The following CCDC166 variants were observed in gnomAD, a reference collection of about 807,000 sequenced individuals.
The protein encoded by CCDC166 is coiled-coil domain-containing protein 166.
Under a neutral mutation model 14.4 loss-of-function variants are expected in CCDC166, and 17 were observed. The observed-to-expected ratio is 1.18, with a 90% confidence interval of 0.81 to 1.77. The LOEUF (loss-of-function observed/expected upper bound fraction) is 1.77. CCDC166 is among the 40% of genes most tolerant of loss of function. CCDC166 has a pLI of 0.00. For missense variants in CCDC166, 738 were observed against 665.8 expected (o/e 1.11, Z -1.19); for synonymous variants, 336 against 330.1 (o/e 1.02, Z -0.20).
chr8:143,707,228 C>T lies in CCDC166; in HGVS notation c.786G>A (p.Thr262=). The T allele has an allele frequency of 7.0e-7, 1 of 1,426,042 alleles. No individual in the cohort carries two copies. The highest frequency in any genetic ancestry group is 1.4e-5 in the South Asian group (1 of 70,642). 88.3% of individuals were successfully genotyped at this position (1,426,042 alleles called of 1,614,324 possible). The change falls in exon 2 of 2, where the codon ACG becomes ACA. Residue 262 remains threonine, a synonymous_variant. Transcript: ENST00000542437. This position sits in a 1 kb window ranked among gnomAD's most constrained non-coding sequence, Gnocchi z 8.0. ...REQLHREHED[T]RDLARVHGWL... is the part of the protein sequence containing the mutation. The stretch of plus-strand genomic sequence containing the variant: ...AGCCGTGCACACGCGCCAGGTCCCG[C>T]GTGTCCTCGTGCTCGCGGTGCAGTT...
Position 143,707,907 on chromosome 8 carries a change from C to A in CCDC166, c.203G>T (p.Arg68Leu). Reference sequence around the variant, plus strand: ...GTAGAGCCGGTTCTCCTCGCGCAGGCGCAGCGCCTCGCGGTCCAGGAAGGC... The same window carrying A: ...GTAGAGCCGGTTCTCCTCGCGCAGGAGCAGCGCCTCGCGGTCCAGGAAGGC... ...ENAFLDREAL[R>L]LREENRLYAS... Residue 68 changes from arginine to leucine, a missense_variant, in exon 1 of 2, where the codon CGC becomes CTC. Transcript: ENST00000542437. This position sits in a 1 kb window ranked among gnomAD's most constrained non-coding sequence, Gnocchi z 8.0. The A allele has an allele frequency of 6.5e-7, 1 of 1,537,390 alleles. No homozygotes were observed. The highest frequency in any genetic ancestry group is 1.2e-5 in the South Asian group (1 of 84,038).
Position 143,707,925 on chromosome 8 carries a change from A to T in CCDC166, c.185T>A (p.Leu62Gln), listed in dbSNP as rs1178496654. The T allele has an allele frequency of 6.5e-7, 1 of 1,537,422 alleles. No individual in the cohort carries two copies. ...GCGCAGGCGCAGCGCCTCGCGGTCC[A>T]GGAAGGCGTTCTCTCGCAGCACCTG... ...VDQVLRENAF[L>Q]DREALRLREE... The change falls in exon 1 of 2, where the codon CTG (leucine) becomes CAG (glutamine). Residue 62 changes from leucine to glutamine, a missense_variant. Coordinates refer to ENST00000542437, the MANE Select transcript of CCDC166 (RefSeq NM_001162914.1). The surrounding 1 kb of genome is among the most constrained non-coding windows in gnomAD (Gnocchi z 8.0).
chr8:143,707,210 C>T lies in CCDC166; in HGVS notation c.804G>A (p.Val268=). Residue 268 remains valine (V), a synonymous_variant, in exon 2 of 2, where the codon GTG becomes GTA. Transcript: ENST00000542437. The surrounding 1 kb of genome is among the most constrained non-coding windows in gnomAD (Gnocchi z 8.0). ...EHEDTRDLAR[V]HGWLRRGPGG... The stretch of plus-strand genomic sequence containing the variant: ...CGGGGCCCCTGCGCAGCCAGCCGTG[C>T]ACACGCGCCAGGTCCCGCGTGTCCT... 1 of 1,386,730 alleles carries T rather than the reference C, an allele frequency of 7.2e-7. No homozygotes were observed. The highest frequency in any genetic ancestry group is 9.3e-7 in the Non-Finnish European group (1 of 1,078,470). The allele number at this position is 1,386,730 out of a possible 1,614,324, so 85.9% of individuals were successfully genotyped here.
chr8:143,707,576 C>G lies in CCDC166; in HGVS notation c.445-7G>C. 1.5e-6 allele frequency: 2 copies of G among 1,327,220 alleles called. No individual in the cohort carries two copies. Among genetic ancestry groups the G allele is most frequent in the Non-Finnish European group, 1.9e-6 (2 of 1,041,998 alleles). 82.2% of individuals were successfully genotyped at this position (1,327,220 alleles called of 1,614,324 possible). ...GCTGCTCCAGCTGCAGCACCTGCGG[C>G]GGGGGCGCCGTCAGCTCACCCCCAC... On this transcript the variant is annotated splice_region_variant and splice_polypyrimidine_tract_variant and intron_variant, in intron 1 of 1. Coordinates refer to ENST00000542437, the MANE Select transcript of CCDC166 (RefSeq NM_001162914.1). This position sits in a 1 kb window ranked among gnomAD's most constrained non-coding sequence, Gnocchi z 8.0.
At position 143,707,858 on chromosome 8, in the gene CCDC166, GGC is replaced by G. The variant is rs781837594; in HGVS notation, c.250_251del (p.Ala84ProfsTer345). ...GGACGATGGCTTTGGCGCAGCGCTG[GGC>G]GCGCGCGCTCACGTAGCTGGCGTAG... is the stretch of plus-strand genomic sequence containing the variant. The part of the protein sequence containing the change: ...RLYASYVSAR[A>X]QRCAKAIVRL... On this transcript the variant is annotated frameshift_variant, in exon 1 of 2. Coordinates refer to ENST00000542437, the MANE Select transcript of CCDC166 (RefSeq NM_001162914.1). LOFTEE classifies it high-confidence loss of function. This position sits in a 1 kb window ranked among gnomAD's most constrained non-coding sequence, Gnocchi z 8.0. 11 of 1,538,018 alleles carry G rather than the reference GGC, an allele frequency of 7.2e-6. No individual in the cohort carries two copies. Among genetic ancestry groups the G allele is most frequent in the Non-Finnish European group, 9.6e-6 (11 of 1,145,986 alleles).
chr8:143,708,067 G>T lies in CCDC166; in HGVS notation c.43C>A (p.Pro15Thr). The part of the protein sequence containing the change: ...KKRGPSAGSQ[P>T]GGAAAAGAEQ... ...GCACCCGCGGCCGCCGCACCACCTG[G>T]CTGGCTCCCTGCGCTCGGCCCGCGC... The change falls in exon 1 of 2, where the codon CCA becomes ACA. Residue 15 changes from proline (P) to threonine (T), a missense_variant. Physicochemically the swap from Pro to Thr is conservative, Grantham distance 38. Coordinates refer to ENST00000542437, the MANE Select transcript of CCDC166 (RefSeq NM_001162914.1). 6.8e-7 allele frequency: 1 copy of T among 1,467,540 alleles called. No homozygotes were observed. 90.9% of individuals were successfully genotyped at this position (1,467,540 alleles called of 1,614,324 possible).
In CCDC166 at chr8:143,707,955, A is replaced by G. The variant is rs1554616996; in HGVS notation, c.155T>C (p.Val52Ala). The change falls in exon 1 of 2, where the codon GTT (valine) becomes GCT (alanine). Residue 52 changes from valine to alanine, a missense_variant. Coordinates refer to ENST00000542437, the MANE Select transcript of CCDC166 (RefSeq NM_001162914.1). The surrounding 1 kb of genome is among the most constrained non-coding windows in gnomAD (Gnocchi z 8.0). Reference protein sequence around the residue: ...SEQLDTCEESVDQVLRENAFL... With the variant: ...SEQLDTCEESADQVLRENAFL... The stretch of plus-strand genomic sequence containing the variant: ...GGCGTTCTCTCGCAGCACCTGGTCA[A>G]CGCTCTCCTCGCAGGTGTCCAGCTG... 1 of 1,536,960 alleles carries G rather than the reference A, an allele frequency of 6.5e-7. No individual in the cohort carries two copies. Among genetic ancestry groups the G allele is most frequent in the African/African-American group, 1.4e-5 (1 of 72,992 alleles).
rs1477973698 is a variant in CCDC166 at position 143,707,050 on chromosome 8, C to A, written c.964G>T (p.Ala322Ser). 2 of 1,534,682 alleles carry A rather than the reference C, an allele frequency of 1.3e-6. No individual in the cohort carries two copies. The highest frequency in any genetic ancestry group is 1.2e-5 in the South Asian group (1 of 83,936). The stretch of plus-strand genomic sequence containing the variant: ...TCGCGCGACGGGACCACGGACGAGG[C>A]CCGGGGGGCCGCGCGCGACGGTACC... ...SVVPSRAAPR[A>S]SSVVPSREAS... The change falls in exon 2 of 2, where the codon GCC (alanine) becomes TCC (serine). Residue 322 changes from alanine to serine, a missense_variant. Coordinates refer to ENST00000542437, the MANE Select transcript of CCDC166 (RefSeq NM_001162914.1). The surrounding 1 kb of genome is among the most constrained non-coding windows in gnomAD (Gnocchi z 8.0).
In CCDC166 at chr8:143,707,812, C is replaced by A. The variant is rs1817568376; in HGVS notation, c.298G>T (p.Val100Leu). 1.3e-6 allele frequency: 2 copies of A among 1,540,208 alleles called. 1 individual carries two copies. Among genetic ancestry groups the A allele is most frequent in the South Asian group, 2.4e-5 (2 of 84,018 alleles). ...AIVRLDEQNR[V>L]DLAQIHWQRA... ...TGCCAGTGGATCTGCGCTAGGTCCACGCGGTTCTGCTCGTCCAGCCGGACG... is the reference window on the plus strand; with the variant it reads ...TGCCAGTGGATCTGCGCTAGGTCCAAGCGGTTCTGCTCGTCCAGCCGGACG... Residue 100 changes from valine (V) to leucine (L), a missense_variant, in exon 1 of 2, where the codon GTG becomes TTG. Coordinates refer to ENST00000542437, the MANE Select transcript of CCDC166 (RefSeq NM_001162914.1). This position sits in a 1 kb window ranked among gnomAD's most constrained non-coding sequence, Gnocchi z 8.0.
In CCDC166 at chr8:143,707,824, C is replaced by G. The variant is rs782021652; in HGVS notation, c.286G>C (p.Glu96Gln). 2 of 1,539,670 alleles carry G rather than the reference C, an allele frequency of 1.3e-6. No individual in the cohort carries two copies. The highest frequency in any genetic ancestry group is 2.0e-5 in the Admixed American group (1 of 50,954). The part of the protein sequence containing the change: ...RCAKAIVRLD[E>Q]QNRVDLAQIH... ...TGCGCTAGGTCCACGCGGTTCTGCT[C>G]GTCCAGCCGGACGATGGCTTTGGCG... The change falls in exon 1 of 2, where the codon GAG becomes CAG. Residue 96 changes from glutamate to glutamine, a missense_variant. By Grantham distance (29) the Glu-to-Gln change is conservative. Coordinates refer to ENST00000542437, the MANE Select transcript of CCDC166 (RefSeq NM_001162914.1). This position sits in a 1 kb window ranked among gnomAD's most constrained non-coding sequence, Gnocchi z 8.0.
At position 143,707,296 on chromosome 8, in the gene CCDC166, G is replaced by A. The variant is rs1554616771; in HGVS notation, c.718C>T (p.Leu240=). The change falls in exon 2 of 2, where the codon CTG becomes TTG. Residue 240 remains leucine, a synonymous_variant. Transcript: ENST00000542437. The surrounding 1 kb of genome is among the most constrained non-coding windows in gnomAD (Gnocchi z 8.0). ...AGCTGGCGCCGCGTGTGGTGCAGCAGCTGGGTCCGGCGGAGCAGCAGCAGC... is the reference window on the plus strand; with the variant it reads ...AGCTGGCGCCGCGTGTGGTGCAGCAACTGGGTCCGGCGGAGCAGCAGCAGC... The part of the protein sequence containing the change: ...ELLLLLRRTQ[L]LHHTRRQLLE... The A allele has an allele frequency of 7.0e-7, 1 of 1,436,766 alleles. No homozygotes were observed. Among genetic ancestry groups the A allele is most frequent in the South Asian group, 1.4e-5 (1 of 72,476 alleles). 89.0% of individuals were successfully genotyped at this position (1,436,766 alleles called of 1,614,324 possible).
rs1554616645 is a variant in CCDC166, at chr8:143,706,937, TG to T, written c.1076del (p.Pro359HisfsTer3). 1 of 1,547,864 alleles carries T rather than the reference TG, an allele frequency of 6.5e-7. No homozygotes were observed. Among genetic ancestry groups the T allele is most frequent in the African/African-American group, 1.4e-5 (1 of 72,918 alleles). On this transcript the variant is annotated frameshift_variant, in exon 2 of 2. Transcript: ENST00000542437. LOFTEE classifies it low-confidence loss of function (END_TRUNC). ...LATSKVGSRM[P>X]SLTASRAGSR... ...AGCCTGCGCGCGAAGCGGTCAGGGA[TG>T]GCATCCGGGATCCCACCTTTGAAGT...
rs1287192274 is a variant in CCDC166, at chr8:143,708,104, C to T, written c.6G>A (p.Ala2=). Residue 2 remains alanine, a synonymous_variant, in exon 1 of 2, where the codon GCG becomes GCA. Coordinates refer to ENST00000542437, the MANE Select transcript of CCDC166 (RefSeq NM_001162914.1). ...CGCTCGGCCCGCGCTTTTTCTTGGG[C>T]GCCATGGGTTGGTGCCTGGACCACC... M[A]PKKKRGPSAG... 6.4e-5 allele frequency: 92 copies of T among 1,435,516 alleles called. No homozygotes were observed. The highest frequency in any genetic ancestry group is 8.0e-5 in the Non-Finnish European group (88 of 1,097,274). The allele number at this position is 1,435,516 out of a possible 1,614,324, so 88.9% of individuals were successfully genotyped here. A position where few individuals can be genotyped will look rare whatever the true frequency, so the allele number is the denominator to read the frequency against.
At position 143,707,056 on chromosome 8, in the gene CCDC166, G is replaced by T. The variant is rs1338013324; in HGVS notation, c.958C>A (p.Pro320Thr). 17 of 1,533,428 alleles carry T rather than the reference G, an allele frequency of 1.1e-5. No individual in the cohort carries two copies. The highest frequency in any genetic ancestry group is 1.4e-5 in the Non-Finnish European group (16 of 1,145,980). 95.0% of individuals were successfully genotyped at this position (1,533,428 alleles called of 1,614,324 possible). A position where few individuals can be genotyped will look rare whatever the true frequency, so the allele number is the denominator to read the frequency against. ...TPSVVPSRAA[P>T]RASSVVPSRE... ...GACGGGACCACGGACGAGGCCCGGGGGGCCGCGCGCGACGGTACCACAGAC... is the reference window on the plus strand; with the variant it reads ...GACGGGACCACGGACGAGGCCCGGGTGGCCGCGCGCGACGGTACCACAGAC... Residue 320 changes from proline (P) to threonine (T), a missense_variant, in exon 2 of 2, where the codon CCC becomes ACC. Physicochemically the swap from Pro to Thr is conservative, Grantham distance 38 (BLOSUM62 -1). Transcript: ENST00000542437. This position sits in a 1 kb window ranked among gnomAD's most constrained non-coding sequence, Gnocchi z 8.0.
chr8:143,707,082 G>A lies in CCDC166; in HGVS notation c.932C>T (p.Pro311Leu), dbSNP rs782582415. Reference sequence around the variant, plus strand: ...GGCCGCGCGCGACGGTACCACAGACGGGGTCTGGGAGGCCGCGCGCGACGG... The same window carrying A: ...GGCCGCGCGCGACGGTACCACAGACAGGGTCTGGGAGGCCGCGCGCGACGG... Reference protein sequence around the residue: ...ISPSRAASQTPSVVPSRAAPR... With the variant: ...ISPSRAASQTLSVVPSRAAPR... Residue 311 changes from proline (P) to leucine (L), a missense_variant, in exon 2 of 2, where the codon CCG (proline) becomes CTG (leucine). Coordinates refer to ENST00000542437, the MANE Select transcript of CCDC166 (RefSeq NM_001162914.1). This position sits in a 1 kb window ranked among gnomAD's most constrained non-coding sequence, Gnocchi z 8.0. The A allele has an allele frequency of 1.3e-6, 2 of 1,529,132 alleles. No individual in the cohort carries two copies. The highest frequency in any genetic ancestry group is 2.0e-5 in the Admixed American group (1 of 49,506). The allele number at this position is 1,529,132 out of a possible 1,614,324, so 94.7% of individuals were successfully genotyped here. A position where few individuals can be genotyped will look rare whatever the true frequency, so the allele number is the denominator to read the frequency against.
chr8:143,707,112 A>T lies in CCDC166; in HGVS notation c.902T>A (p.Ile301Lys). ...TSRPGSLAAP[I>K]SPSRAASQTP... ...CTGGGAGGCCGCGCGCGACGGGCTTATGGGGGCGGCTAATGACCCGGGGCG... is the reference window on the plus strand; with the variant it reads ...CTGGGAGGCCGCGCGCGACGGGCTTTTGGGGGCGGCTAATGACCCGGGGCG... Residue 301 changes from isoleucine to lysine, a missense_variant, in exon 2 of 2, where the codon ATA becomes AAA. By Grantham distance (102) the Ile-to-Lys change is moderately radical. Coordinates refer to ENST00000542437, the MANE Select transcript of CCDC166 (RefSeq NM_001162914.1). This position sits in a 1 kb window ranked among gnomAD's most constrained non-coding sequence, Gnocchi z 8.0. 6.0e-6 allele frequency: 9 copies of T among 1,498,906 alleles called. No homozygotes were observed. The highest frequency in any genetic ancestry group is 8.0e-6 in the Non-Finnish European group (9 of 1,131,166). The allele number at this position is 1,498,906 out of a possible 1,614,324, so 92.9% of individuals were successfully genotyped here. A position where few individuals can be genotyped will look rare whatever the true frequency, so the allele number is the denominator to read the frequency against.
In CCDC166 at chr8:143,706,760, G is replaced by T. The variant is rs782053803; in HGVS notation, c.1254C>A (p.Leu418=). 1.9e-6 allele frequency: 3 copies of T among 1,550,912 alleles called. No individual in the cohort carries two copies. The highest frequency in any genetic ancestry group is 2.4e-5 in the East Asian group (1 of 40,910). ...GLSRDRDPAL[L]PPQSEDSVNA... ...TCACGCTGTCCTCCGACTGTGGGGG[G>T]AGAAGAGCCGGATCCCGATCCCGGG... The change falls in exon 2 of 2, where the codon CTC becomes CTA. Residue 418 remains leucine, a synonymous_variant. Coordinates refer to ENST00000542437, the MANE Select transcript of CCDC166 (RefSeq NM_001162914.1).
Position 143,707,016 on chromosome 8 carries a change from CG to C in CCDC166, c.997del (p.Arg333GlyfsTer29). 1.3e-6 allele frequency: 2 copies of C among 1,537,062 alleles called. No homozygotes were observed. The highest frequency in any genetic ancestry group is 8.7e-7 in the Non-Finnish European group (1 of 1,146,782). On this transcript the variant is annotated frameshift_variant, in exon 2 of 2. Transcript: ENST00000542437. LOFTEE classifies it low-confidence loss of function (END_TRUNC). This position sits in a 1 kb window ranked among gnomAD's most constrained non-coding sequence, Gnocchi z 8.0. Reference protein sequence around the residue: ...SSVVPSREASRVPSLVLSSMD... With the variant: ...SSVVPSREASXVPSLVLSSMD... ...GCTCGATAGCACCAACGAGGGGACC[CG>C]GGAAGCCTCGCGCGACGGGACCACG...
At position 143,707,913 on chromosome 8, in the gene CCDC166, G is replaced by T. The variant is rs1817571585; in HGVS notation, c.197C>A (p.Ala66Glu). Residue 66 changes from alanine (A) to glutamate (E), a missense_variant, in exon 1 of 2, where the codon GCG (alanine) becomes GAG (glutamate). Ala to Glu is a moderately radical substitution (Grantham distance 107). Coordinates refer to ENST00000542437, the MANE Select transcript of CCDC166 (RefSeq NM_001162914.1). The surrounding 1 kb of genome is among the most constrained non-coding windows in gnomAD (Gnocchi z 8.0). Reference protein sequence around the residue: ...LRENAFLDREALRLREENRLY... With the variant: ...LRENAFLDREELRLREENRLY... Reference sequence around the variant, plus strand: ...CCGGTTCTCCTCGCGCAGGCGCAGCGCCTCGCGGTCCAGGAAGGCGTTCTC... The same window carrying T: ...CCGGTTCTCCTCGCGCAGGCGCAGCTCCTCGCGGTCCAGGAAGGCGTTCTC... 23 of 1,537,592 alleles carry T rather than the reference G, an allele frequency of 1.5e-5. No homozygotes were observed. In the East Asian group the frequency reaches 1.7e-4, roughly 11 times the overall value.
Sources: gnomAD v4.1 joint callset for allele counts on GRCh38, gnomAD v4.1.1 for gene constraint, Gnocchi (gnomAD v3.1) non-coding constraint, MANE v1.5 for transcripts, NCBI Gene and HGNC (gene_info 2026-07-23, HGNC 2026-07-21) for gene names.